DEAF1: variants seen among roughly 807,000 people sequenced by gnomAD.
The protein encoded by DEAF1 is deformed epidermal autoregulatory factor 1 homolog.
DEAF1 carries 53 observed loss-of-function variants against 58.9 expected under a neutral mutation model. That is an observed-to-expected ratio of 0.90 (90% CI 0.72 to 1.13). The LOEUF (loss-of-function observed/expected upper bound fraction) is 1.13, where lower values mean the gene tolerates loss of function less well. Ranked by LOEUF, DEAF1 falls within the 50% of genes most tolerant of loss-of-function variation. DEAF1 has a pLI of 0.00. For synonymous variants in DEAF1, 385 were observed against 340.4 expected (o/e 1.13, Z -1.44); for missense variants, 685 against 791.4 (o/e 0.87, Z 1.61).
intron 1 of DEAF1, chr11:704,748 G>A (rs972774544): frequency 1.9e-5 from 18 of 961,572 alleles, no homozygotes; most frequent in Admixed American, 1.7e-4. Flanking sequence ...GATGGGGCCC[G>A]AGAGGCCAGC....
intron 5 of DEAF1, among the ~76,000 whole-genome samples, chr11:686,071 T>C (rs901090855): frequency 2.0e-5 from 3 of 149,186 alleles, no homozygotes; most frequent in Non-Finnish European, 4.4e-5. Flanking sequence ...TCACCTGAGG[T>C]CAGGACTTCA....
At chr11:650,997 C>G (rs1273732351) in intron 11 of DEAF1, among the ~76,000 whole-genome samples, 2 of 151,850 alleles carry the variant, frequency 1.3e-5, no homozygotes, top group Non-Finnish European at 2.9e-5. Flanking sequence ...GAGTCTCGCT[C>G]TGTTGCCCAG....
chr11:691,402 G>A (rs1376697935), intron 2 of DEAF1, 99 bp downstream of exon 2: 13 of 1,117,758 alleles, frequency 1.2e-5, no homozygotes, highest in South Asian at 2.6e-5. Context: ...CAGAGCAGAC[G>A]TTCACACAGC....
At chr11:682,521 C>G (rs182622915) in intron 6 of DEAF1, among the ~76,000 whole-genome samples, 2 of 152,320 alleles carry the variant, frequency 1.3e-5, no homozygotes, top group Admixed American at 1.3e-4. Flanking sequence ...CAAATCAAGT[C>G]AGTTCCTTTG....
rs1330811080 is a variant in DEAF1, at chr11:688,092, G to A, written c.518-35C>T. ...AGAAAGTGTTTGAAGGTGAGAGGCC[G>A]GACACCGGGAAGCATAGTACACTCT... On this transcript the variant is annotated intron_variant, in intron 3 of 11. Transcript: ENST00000382409. The surrounding 1 kb of genome is among the most constrained non-coding windows in gnomAD (Gnocchi z 4.3). 6.2e-6 allele frequency: 10 copies of A among 1,612,992 alleles called. No individual in the cohort carries two copies. Among genetic ancestry groups the A allele is most frequent in the South Asian group, 1.1e-5 (1 of 90,962 alleles).
Position 688,421 on chromosome 11 carries a change from T to A in DEAF1, c.427A>T (p.Thr143Ser). 6.2e-7 allele frequency: 1 copy of A among 1,613,866 alleles called. No individual in the cohort carries two copies. The highest frequency in any genetic ancestry group is 8.5e-7 in the Non-Finnish European group (1 of 1,180,012). The change falls in exon 3 of 12, where the codon ACC (threonine) becomes TCC (serine). Residue 143 changes from threonine to serine, a missense_variant. Physicochemically the swap from Thr to Ser is moderately conservative, Grantham distance 58. This residue lies in a region of DEAF1 where 132 missense variants were observed against 234.3 expected (regional missense o/e 0.56). Coordinates refer to ENST00000382409, the MANE Select transcript of DEAF1 (RefSeq NM_021008.4). The surrounding 1 kb of genome is among the most constrained non-coding windows in gnomAD (Gnocchi z 4.3). Reference sequence around the variant, plus strand: ...ACGACAATCAGTGTCGCTTTTTCGGTGTTCAGGCTGTCCCCGATCTGAAGG... The same window carrying A: ...ACGACAATCAGTGTCGCTTTTTCGGAGTTCAGGCTGTCCCCGATCTGAAGG... ...TALQIGDSLN[T>S]EKATLIVVHT...
At chr11:647,876 G>A (rs1355756932) in intron 11 of DEAF1, among the ~76,000 whole-genome samples, 9 of 123,234 alleles carry the variant, frequency 7.3e-5, no homozygotes, top group East Asian at 5.0e-4. Flanking sequence ...TGACCCAGGC[G>A]GTGCTGGGAG....
At chr11:698,873 A>G (rs1564960753), upstream of DEAF1, 2 of 1,613,998 alleles carry the variant, frequency 1.2e-6, no homozygotes, top group Non-Finnish European at 1.7e-6. Flanking sequence ...TTTCAGGGAG[A>G]GGATCCTCCA....
rs113679055 is a variant in DEAF1, at chr11:691,755, A to C, written c.290-157T>G. On this transcript the variant is annotated intron_variant, in intron 1 of 11. Transcript: ENST00000382409. The stretch of plus-strand genomic sequence containing the variant: ...ACTTCCATGAACACGCTCGACCTAC[A>C]TTTCTATTCCATTGTCTAAGTCATT... Among the ~76,000 whole-genome samples, 453 of 152,240 alleles carry C rather than the reference A, an allele frequency of 3.0e-3. 1 individual carries two copies. The highest frequency in any genetic ancestry group is 4.6e-3 in the Non-Finnish European group (315 of 68,006).
At chr11:650,399 A>AAAAG (rs1858712671) in intron 11 of DEAF1, among the ~76,000 whole-genome samples, 1 of 148,874 alleles carries the variant, frequency 6.7e-6, no homozygotes, top group African/African-American at 2.4e-5. Context: ...AAAAAAAAAA[A>AAAAG]GGCAGAGACT....
Position 681,051 on chromosome 11 carries a change from G to T in DEAF1, c.909C>A (p.Arg303=). 6.2e-7 allele frequency: 1 copy of T among 1,614,044 alleles called. No individual in the cohort carries two copies. The highest frequency in any genetic ancestry group is 1.1e-5 in the South Asian group (1 of 91,056). The part of the protein sequence containing the change: ...PVRLFVPYKR[R]KKENELPTTP... Reference sequence around the variant, plus strand: ...TTGTGGGCAGTTCATTCTCCTTCTTGCGCCTTTTGTAAGGCACAAAAAGCC... The same window carrying T: ...TTGTGGGCAGTTCATTCTCCTTCTTTCGCCTTTTGTAAGGCACAAAAAGCC... Residue 303 remains arginine (R), a synonymous_variant, in exon 7 of 12, where the codon CGC becomes CGA. Coordinates refer to ENST00000382409, the MANE Select transcript of DEAF1 (RefSeq NM_021008.4).
upstream of DEAF1, chr11:700,173 AT>A (rs1564961659): frequency 6.2e-7 from 1 of 1,614,162 alleles, no homozygotes; most frequent in South Asian, 1.1e-5. Flanking sequence ...ATGCTGTTTT[AT>A]CTCAGCGGAA....
chr11:674,594 G>T lies in DEAF1; in HGVS notation c.1445C>A (p.Thr482Asn). 6.2e-7 allele frequency: 1 copy of T among 1,614,164 alleles called. No homozygotes were observed. The highest frequency in any genetic ancestry group is 8.5e-7 in the Non-Finnish European group (1 of 1,180,034). Residue 482 changes from threonine to asparagine, a missense_variant, in exon 10 of 12, where the codon ACC (threonine) becomes AAC (asparagine). Physicochemically the swap from Thr to Asn is moderately conservative, Grantham distance 65 (BLOSUM62 0). Transcript: ENST00000382409. ...TLFEQAKHAS[T>N]YREAATNQAK... Reference sequence around the variant, plus strand: ...CTGGTTTGTGGCAGCTTCTCGGTAGGTGCTGGCATGCTTGGCTTGCTCAAA... The same window carrying T: ...CTGGTTTGTGGCAGCTTCTCGGTAGTTGCTGGCATGCTTGGCTTGCTCAAA...
At chr11:705,808 C>A (rs1300337545) in intron 1 of DEAF1, among the ~76,000 whole-genome samples, 1 of 152,222 alleles carries the variant, frequency 6.6e-6, no homozygotes, top group Non-Finnish European at 1.5e-5. Context: ...CAGCGCTGCC[C>A]CCGAAGTCCC....
intron 10 of DEAF1, among the ~76,000 whole-genome samples, chr11:655,448 C>T (rs982563406): frequency 2.2e-4 from 33 of 152,268 alleles, no homozygotes; most frequent in Non-Finnish European, 1.5e-4. Flanking sequence ...TGAGCTCCGC[C>T]GTCAATGCTC....
At chr11:673,231 C>A (rs1859908103) in intron 10 of DEAF1, among the ~76,000 whole-genome samples, 1 of 152,028 alleles carries the variant, frequency 6.6e-6, no homozygotes, top group Non-Finnish European at 1.5e-5. Context: ...AAAAGTTCTT[C>A]TATAAAAAGT....
At chr11:671,561 AAC>A (rs1360321012) in intron 10 of DEAF1, among the ~76,000 whole-genome samples, 2 of 151,776 alleles carry the variant, frequency 1.3e-5, no homozygotes, top group Non-Finnish European at 2.9e-5. Flanking sequence ...CAGGAGTAGA[AAC>A]ACTTTTCTTC....
chr11:696,410 A>G (rs1307771701), upstream of DEAF1, among the ~76,000 whole-genome samples: 1 of 152,170 alleles, frequency 6.6e-6, no homozygotes, highest in African/African-American at 2.4e-5. Flanking sequence ...GTTTTGAAGG[A>G]ATAAAGAATG....
At chr11:707,071 G>A (rs1861744087) in exon 1 of DEAF1, among the ~76,000 whole-genome samples, 1 of 152,038 alleles carries the variant, frequency 6.6e-6, no homozygotes, top group Non-Finnish European at 1.5e-5. Flanking sequence ...CTCAGTCCTG[G>A]GTCGGCTGTG....
Sources: gnomAD v4.1 joint callset for allele counts (sites outside exome capture counted in the v4.1 genomes callset) on GRCh38, gnomAD v4.1.1 for gene constraint, gnomAD v4.1.1 regional missense constraint, Gnocchi (gnomAD v3.1) non-coding constraint, MANE v1.5 for transcripts, NCBI Gene and HGNC (gene_info 2026-07-23, HGNC 2026-07-21) for gene names.